CRIPTO: variants seen among roughly 807,000 people sequenced by gnomAD.
CRIPTO encodes the protein cripto, EGF-CFC family member.
the CRIPTO span, chr3:46,577,940 C>T: frequency 1.9e-6 from 3 of 1,613,012 alleles, no homozygotes; most frequent in African/African-American, 2.7e-5. Context: ...GCGATGCTAA[C>T]GCCTCTTTTC....
chr3:46,578,624 G>A, the CRIPTO span, among the ~76,000 whole-genome samples: 1 of 152,232 alleles, frequency 6.6e-6, no homozygotes, highest in East Asian at 1.9e-4. Flanking sequence ...CAGGAGAATT[G>A]CTTGAACTGG....
the CRIPTO span, chr3:46,579,042 T>A: frequency 1.9e-6 from 3 of 1,603,344 alleles, no homozygotes; most frequent in East Asian, 2.2e-5. Flanking sequence ...TGTTAACTTG[T>A]AAGGTTTTAT....
the CRIPTO span, chr3:46,579,655 G>T: frequency 7.4e-7 from 1 of 1,346,998 alleles, no homozygotes; most frequent in Non-Finnish European, 1.1e-6. Flanking sequence ...ACAACACATT[G>T]GTGTTGTATT....
chr3:46,579,157 CT>C, the CRIPTO span: 1 of 1,614,094 alleles, frequency 6.2e-7, no homozygotes, highest in Non-Finnish European at 8.5e-7. Flanking sequence ...GGTGAGAGAC[CT>C]TTTGTTCTTT....
chr3:46,580,908 T>A, the CRIPTO span, among the ~76,000 whole-genome samples: 1 of 152,154 alleles, frequency 6.6e-6, no homozygotes, highest in Non-Finnish European at 1.5e-5. Context: ...GGTGATTGGA[T>A]GTGTAGGGAA....
At chr3:46,579,968 C>T in the CRIPTO span, 3 of 1,614,082 alleles carry the variant, frequency 1.9e-6, no homozygotes, top group Non-Finnish European at 1.7e-6. Context: ...GGGTCTGTGC[C>T]CCATGACACC....
the CRIPTO span, among the ~76,000 whole-genome samples, chr3:46,576,154 A>G: frequency 6.6e-6 from 1 of 152,050 alleles, no homozygotes; most frequent in Non-Finnish European, 1.5e-5. Context: ...AATACAAATT[A>G]TTTTACGTTT....
At chr3:46,580,220 C>A in the CRIPTO span, 2 of 909,792 alleles carry the variant, frequency 2.2e-6, no homozygotes, top group Non-Finnish European at 3.5e-6. Flanking sequence ...GAGATAGTTG[C>A]CTTGGCCTCT....
the CRIPTO span, chr3:46,581,091 A>G: frequency 6.8e-7 from 1 of 1,463,134 alleles, no homozygotes; most frequent in Admixed American, 1.7e-5. Context: ...ATGAACTGCC[A>G]GAGAGGTTTG....
the CRIPTO span, chr3:46,582,078 G>A: frequency 6.6e-6 from 1 of 152,174 alleles, no homozygotes; most frequent in Admixed American, 6.5e-5. Flanking sequence ...AAATAGAAGA[G>A]AGAGGTTGAA....
chr3:46,579,748 T>C, the CRIPTO span: 1 of 1,612,800 alleles, frequency 6.2e-7, no homozygotes. Flanking sequence ...GGTAAGGAGC[T>C]AAACAGAACC....
the CRIPTO span, chr3:46,582,294 T>C: frequency 2.0e-5 from 3 of 152,216 alleles, no homozygotes; most frequent in Admixed American, 2.0e-4. Flanking sequence ...GCTTAATAAA[T>C]TGTGTTTCCT....
chr3:46,579,151 A>G, the CRIPTO span: 1 of 1,614,152 alleles, frequency 6.2e-7, no homozygotes, highest in Non-Finnish European at 8.5e-7. Context: ...GTTGCCGGTG[A>G]GAGACCTTTT....
At chr3:46,581,431 C>A in the CRIPTO span, 1 of 640,852 alleles carries the variant, frequency 1.6e-6, no homozygotes, top group Non-Finnish European at 2.8e-6. Context: ...TACTTCTTTG[C>A]CCTGCCCTCT....
At chr3:46,578,979 A>G in the CRIPTO span, 7 of 1,200,412 alleles carry the variant, frequency 5.8e-6, no homozygotes, top group African/African-American at 1.5e-5. Context: ...ATGGTGCTCT[A>G]CAATTTCTTT....
the CRIPTO span, chr3:46,579,884 G>T: frequency 6.2e-7 from 1 of 1,614,210 alleles, no homozygotes; most frequent in Non-Finnish European, 8.5e-7. Flanking sequence ...GGGAGCCGTG[G>T]AGAGGAGAGA....
chr3:46,577,735 G>T, the CRIPTO span: 5 of 578,976 alleles, frequency 8.6e-6, no homozygotes, highest in Non-Finnish European at 1.5e-5. Context: ...AGAATCCCCG[G>T]AAAGGCTGAG....
At chr3:46,574,544 C>T in the CRIPTO span, 1 of 152,274 alleles carries the variant, frequency 6.6e-6, no homozygotes, top group Non-Finnish European at 1.5e-5. Flanking sequence ...TCTCTCTTAT[C>T]TTCTGGCCTG....
chr3:46,581,818 T>C, the CRIPTO span: 4 of 220,052 alleles, frequency 1.8e-5, no homozygotes, highest in Non-Finnish European at 3.5e-5. Flanking sequence ...GCCTGGTGTT[T>C]CTTGATACAT....
Sources: allele counts gnomAD v4.1 joint callset (sites outside exome capture counted in the v4.1 genomes callset), GRCh38; gene constraint gnomAD v4.1.1; transcripts MANE v1.5; gene names NCBI Gene and HGNC (gene_info 2026-07-23, HGNC 2026-07-21).